CPNE8: variants seen among roughly 807,000 people sequenced by gnomAD.
CPNE8 encodes the protein copine 8.
In CPNE8, 45 loss-of-function variants were observed where a neutral mutation model predicts 81.5. The ratio of observed to expected loss-of-function variants is 0.55; its 90% CI spans 0.44 to 0.71. CPNE8 has a LOEUF of 0.71. Among genes scored for constraint, CPNE8 ranks in the 30% least tolerant of loss-of-function variants. CPNE8 has a pLI of 0.00. For synonymous variants in CPNE8, 252 were observed against 226.3 expected (o/e 1.11, Z -1.02); for missense variants, 594 against 672.1 (o/e 0.88, Z 1.28).
intron 1 of CPNE8, among the ~76,000 whole-genome samples, chr12:38,892,072 T>C (rs1014540442): frequency 1.3e-5 from 2 of 152,080 alleles, no homozygotes; most frequent in Non-Finnish European, 2.9e-5. Context: ...ATATCACAAA[T>C]TGCACTGAGT....
At chr12:38,798,565 G>A (rs1396560253) in intron 6 of CPNE8, among the ~76,000 whole-genome samples, 1 of 151,952 alleles carries the variant, frequency 6.6e-6, no homozygotes, top group African/African-American at 2.4e-5. Context: ...AACATGGAAA[G>A]AACAACCGGT....
chr12:38,863,727 T>C (rs1943873770), intron 3 of CPNE8, among the ~76,000 whole-genome samples: 2 of 152,014 alleles, frequency 1.3e-5, no homozygotes, highest in African/African-American at 4.8e-5. Context: ...TGCAAACACA[T>C]GGAAATTTTA....
intron 10 of CPNE8, among the ~76,000 whole-genome samples, chr12:38,751,601 C>T (rs1297735426): frequency 6.6e-6 from 1 of 152,110 alleles, no homozygotes; most frequent in East Asian, 1.9e-4. Context: ...TACATTATGC[C>T]TACAGGCCAA....
chr12:38,819,606 A>T (rs1464710962), intron 6 of CPNE8, among the ~76,000 whole-genome samples: 1 of 151,864 alleles, frequency 6.6e-6, no homozygotes, highest in African/African-American at 2.4e-5. Flanking sequence ...TCTCTACTAA[A>T]AATACAAAAA....
At chr12:38,682,172 A>G (rs375367854) in intron 16 of CPNE8, among the ~76,000 whole-genome samples, 8 of 152,208 alleles carry the variant, frequency 5.3e-5, no homozygotes, top group African/African-American at 1.7e-4. Context: ...ATGAGCTGAC[A>G]TCGCATCACT....
chr12:38,836,631 T>C (rs1457850515), intron 5 of CPNE8, among the ~76,000 whole-genome samples: 2 of 152,220 alleles, frequency 1.3e-5, no homozygotes, highest in Non-Finnish European at 2.9e-5. Flanking sequence ...TTATGCCACA[T>C]GCAACCTGGG....
At chr12:38,770,869 A>C (rs945249571) in intron 7 of CPNE8, among the ~76,000 whole-genome samples, 2 of 152,102 alleles carry the variant, frequency 1.3e-5, no homozygotes, top group African/African-American at 4.8e-5. Context: ...GCTTAATATA[A>C]ATTAGATCCC....
At chr12:38,853,389 T>C (rs1216612063) in intron 3 of CPNE8, among the ~76,000 whole-genome samples, 1 of 152,116 alleles carries the variant, frequency 6.6e-6, no homozygotes, top group Non-Finnish European at 1.5e-5. Flanking sequence ...GTTCTGAATA[T>C]CAATAATACT....
chr12:38,662,551 A>G (rs375377094), intron 19 of CPNE8, among the ~76,000 whole-genome samples: 115 of 152,308 alleles, frequency 7.6e-4, no homozygotes, highest in African/African-American at 2.5e-3. Context: ...TATTGTTAAA[A>G]TGACCATACT....
chr12:38,800,077 G>A (rs1329157702), intron 6 of CPNE8, among the ~76,000 whole-genome samples: 1 of 130,378 alleles, frequency 7.7e-6, no homozygotes, highest in African/African-American at 2.6e-5. Flanking sequence ...ACGAGGCTGG[G>A]GGAGGGGCGC....
In CPNE8 at chr12:38,849,591, A is replaced by G. The variant is rs554175110; in HGVS notation, c.187-929T>C. Among the ~76,000 whole-genome samples the G allele has an allele frequency of 2.8e-3, 429 of 152,342 alleles. 3 individuals are homozygous for G. Among genetic ancestry groups the G allele is most frequent in the Non-Finnish European group, 3.9e-3 (268 of 68,028 alleles). ...ATCCATTAAAATGTGAAGCTTTCTTAAATTGTAATAATAAAACTGTAGTAC... is the reference window on the plus strand; with the variant it reads ...ATCCATTAAAATGTGAAGCTTTCTTGAATTGTAATAATAAAACTGTAGTAC... On this transcript the variant is annotated intron_variant, in intron 3 of 19. Coordinates refer to ENST00000331366, the MANE Select transcript of CPNE8 (RefSeq NM_153634.3).
At chr12:38,794,860 G>GT (rs1188273039) in intron 6 of CPNE8, among the ~76,000 whole-genome samples, 1 of 152,160 alleles carries the variant, frequency 6.6e-6, no homozygotes, top group Non-Finnish European at 1.5e-5. Flanking sequence ...AGATTAACCT[G>GT]TTAGTCAGTG....
At chr12:38,832,702 T>C (rs1943309055) in intron 5 of CPNE8, among the ~76,000 whole-genome samples, 1 of 151,168 alleles carries the variant, frequency 6.6e-6, no homozygotes, top group Non-Finnish European at 1.5e-5. Context: ...AGCTAATGTT[T>C]GTATTTTTAG....
rs113165253 is a variant in CPNE8 at position 38,766,760 on chromosome 12, T to A, written c.575+875A>T. On this transcript the variant is annotated intron_variant, in intron 8 of 19. Coordinates refer to ENST00000331366, the MANE Select transcript of CPNE8 (RefSeq NM_153634.3). ...TCTTTAGCTGATATATTACACATAG[T>A]TAAAAAAACAAAAAAGAAAATATTA... 3.2e-3 allele frequency among the ~76,000 whole-genome samples: 491 copies of A among 152,150 alleles called. 5 individuals carry two copies. The highest frequency in any genetic ancestry group is 0.011 in the African/African-American group (455 of 41,524).
intron 10 of CPNE8, among the ~76,000 whole-genome samples, chr12:38,748,055 G>A (rs1304164322): frequency 1.3e-5 from 2 of 152,062 alleles, no homozygotes; most frequent in African/African-American, 4.8e-5. Flanking sequence ...CTGTCGCTCA[G>A]GCTGGAGTGC....
chr12:38,742,706 A>C (rs952902617), intron 10 of CPNE8, among the ~76,000 whole-genome samples: 1 of 144,500 alleles, frequency 6.9e-6, no homozygotes, highest in Admixed American at 7.3e-5. Context: ...AAATAAATAA[A>C]TAAATATAAA....
At chr12:38,882,910 C>G (rs1411010729) in intron 1 of CPNE8, among the ~76,000 whole-genome samples, 1 of 152,216 alleles carries the variant, frequency 6.6e-6, no homozygotes, top group Non-Finnish European at 1.5e-5. Context: ...AAAATTTCCT[C>G]ACCAACCCCT....
At chr12:38,890,670 T>C (rs1944301508) in intron 1 of CPNE8, among the ~76,000 whole-genome samples, 1 of 152,102 alleles carries the variant, frequency 6.6e-6, no homozygotes, top group South Asian at 2.1e-4. Context: ...CCCTAAATTA[T>C]ACCCAAGTGA....
chr12:38,829,263 C>A, intron 6 of CPNE8, 116 bp downstream of exon 6: 1 of 646,376 alleles, frequency 1.5e-6, no homozygotes. Context: ...AGAAAAAACT[C>A]AAACAAGATT....
Sources: allele counts gnomAD v4.1 joint callset (sites outside exome capture counted in the v4.1 genomes callset), GRCh38; gene constraint gnomAD v4.1.1; transcripts MANE v1.5; gene names NCBI Gene and HGNC (gene_info 2026-07-23, HGNC 2026-07-21).